The following PDE4D variants were observed in gnomAD, a reference collection of about 807,000 sequenced individuals.
The protein encoded by PDE4D is 3',5'-cyclic-AMP phosphodiesterase 4D.
A neutral mutation model predicts 87.4 loss-of-function variants in PDE4D; 24 were observed. The ratio of observed to expected loss-of-function variants is 0.27; its 90% CI spans 0.20 to 0.39. The LOEUF (loss-of-function observed/expected upper bound fraction) is 0.39. Ranked by LOEUF, PDE4D falls within the 10% of genes least tolerant of loss-of-function variation. PDE4D has a pLI of 1.00. For synonymous variants in PDE4D, 384 were observed against 383.2 expected, an observed-to-expected ratio of 1.00 and a Z score of -0.02; for missense variants, 714 against 1,041.0, an observed-to-expected ratio of 0.69 and a Z score of 4.32.
Position 59,439,284 on chromosome 5 carries a change from T to C in PDE4D, c.456-223316A>G, listed in dbSNP as rs7735819. Among the ~76,000 whole-genome samples the C allele has an allele frequency of 7.4e-3, 1,085 of 146,942 alleles. 15 individuals are homozygous for C. The highest frequency in any genetic ancestry group is 0.025 in the African/African-American group (991 of 39,068). On this transcript the variant is annotated intron_variant, in intron 1 of 14. Coordinates refer to ENST00000340635, the MANE Select transcript of PDE4D (RefSeq NM_001104631.2). ...TGAGGCAGGAGAATTGCTTGAACCC[T>C]GGGAGCCAGAGGTTGCAGTGAGTGA...
intron 1 of PDE4D, among the ~76,000 whole-genome samples, chr5:60,395,123 A>T (rs1762800410): frequency 6.6e-6 from 1 of 152,114 alleles, no homozygotes; most frequent in Admixed American, 6.5e-5. Flanking sequence ...GATTCTCTTA[A>T]ACCAAATCCA....
At position 59,016,125 on chromosome 5, in the gene PDE4D, T is replaced by C. The variant is rs558415164; in HGVS notation, c.922-22660A>G. ...GGGGAACATCACACACTGGGGCCTG[T>C]TGTGGGGTGAGGGGAGTGGGAGGGA... is the stretch of plus-strand genomic sequence containing the variant. On this transcript the variant is annotated intron_variant, in intron 6 of 14. Coordinates refer to ENST00000340635, the MANE Select transcript of PDE4D (RefSeq NM_001104631.2). Among the ~76,000 whole-genome samples the C allele has an allele frequency of 2.6e-5, 4 of 152,158 alleles. No individual in the cohort carries two copies. The South Asian group carries it at 8.3e-4, about 32-fold the overall frequency.
rs35584107 is a variant in PDE4D, at chr5:60,081,324, C to CAA, written c.43-92609_43-92608dup. Among the ~76,000 whole-genome samples the CAA allele has an allele frequency of 7.8e-3, 1,095 of 140,760 alleles. 19 individuals are homozygous for CAA. Among genetic ancestry groups the CAA allele is most frequent in the East Asian group, 0.054 (268 of 4,964 alleles). 92.3% of individuals were successfully genotyped at this position (140,760 alleles called of 152,430 possible). On this transcript the variant is annotated intron_variant, in intron 2 of 16. Transcript: ENST00000502484. ...GGTCTATCTATTTTGTTAGTTTTTTCAAAAAAAAAAAACAGCTCCTGGATT... is the reference window on the plus strand; with the variant it reads ...GGTCTATCTATTTTGTTAGTTTTTTCAAAAAAAAAAAAAACAGCTCCTGGATT...
chr5:60,174,880 T>G (rs1470455457), intron 2 of PDE4D, among the ~76,000 whole-genome samples: 1 of 152,104 alleles, frequency 6.6e-6, no homozygotes, highest in Non-Finnish European at 1.5e-5. Flanking sequence ...CAATATAACA[T>G]GACTCTGCAC....
chr5:59,381,041 A>C (rs564158959), intron 1 of PDE4D, among the ~76,000 whole-genome samples: 25 of 152,236 alleles, frequency 1.6e-4, no homozygotes, highest in Non-Finnish European at 3.2e-4. Context: ...TCACAGAAAA[A>C]GTTTGCTGAC....
intron 2 of PDE4D, among the ~76,000 whole-genome samples, chr5:60,068,509 A>T (rs1772354260): frequency 6.6e-6 from 1 of 151,960 alleles, no homozygotes; most frequent in Non-Finnish European, 1.5e-5. Flanking sequence ...CTAACCCTTT[A>T]TCAGATATAC....
chr5:60,334,762 C>A (rs1757598993), intron 1 of PDE4D, among the ~76,000 whole-genome samples: 1 of 151,746 alleles, frequency 6.6e-6, no homozygotes, highest in South Asian at 2.1e-4. Context: ...GTGTTTTACC[C>A]TCCCAGTTGT....
intron 1 of PDE4D, among the ~76,000 whole-genome samples, chr5:59,245,647 T>C (rs1261474107): frequency 6.6e-6 from 1 of 152,126 alleles, no homozygotes; most frequent in Non-Finnish European, 1.5e-5. Flanking sequence ...TATAATTGAG[T>C]GTATGTATGT....
At chr5:60,226,440 C>T (rs76466053) in intron 1 of PDE4D, among the ~76,000 whole-genome samples, 1 of 151,964 alleles carries the variant, frequency 6.6e-6, no homozygotes. Flanking sequence ...AAGAAAAAAC[C>T]CAGTTGGAAT....
chr5:59,339,661 G>A (rs544882243), intron 1 of PDE4D, among the ~76,000 whole-genome samples: 1 of 152,128 alleles, frequency 6.6e-6, no homozygotes, highest in African/African-American at 2.4e-5. Flanking sequence ...CACACGTTCG[G>A]TCATGTGGGC....
intron 1 of PDE4D, among the ~76,000 whole-genome samples, chr5:59,392,636 AC>A (rs1438998201): frequency 6.6e-6 from 1 of 151,822 alleles, no homozygotes; most frequent in Non-Finnish European, 1.5e-5. Context: ...AAGCCTGCCA[AC>A]CCTGGCCTAT....
chr5:59,328,287 G>C (rs1776079103), intron 1 of PDE4D, among the ~76,000 whole-genome samples: 2 of 152,114 alleles, frequency 1.3e-5, no homozygotes, highest in Admixed American at 1.3e-4. Context: ...CTGTAAAAAG[G>C]GGGTAATAAT....
intron 1 of PDE4D, among the ~76,000 whole-genome samples, chr5:60,323,025 T>C (rs549095195): frequency 5.3e-5 from 8 of 152,334 alleles, no homozygotes. Flanking sequence ...TATTCTTCCA[T>C]CTCCTCTGTA....
chr5:59,291,294 A>T (rs1767962953), intron 1 of PDE4D, among the ~76,000 whole-genome samples: 1 of 152,134 alleles, frequency 6.6e-6, no homozygotes, highest in Non-Finnish European at 1.5e-5. Context: ...TACGGATGGA[A>T]GTGGAGATAA....
intron 1 of PDE4D, among the ~76,000 whole-genome samples, chr5:59,797,435 T>A (rs1010116385): frequency 1.3e-5 from 2 of 152,170 alleles, no homozygotes; most frequent in Non-Finnish European, 2.9e-5. Flanking sequence ...TTCTGTAGAG[T>A]TATTTTGTTC....
intron 5 of PDE4D, among the ~76,000 whole-genome samples, chr5:59,123,154 T>C (rs9968728): frequency 0.21 from 32,499 of 152,064 alleles, 4,584 homozygotes; most frequent in African/African-American, 0.4. Flanking sequence ...ATCATATTTA[T>C]ACCGAATTTC....
chr5:60,334,483 G>A (rs994392525), intron 1 of PDE4D, among the ~76,000 whole-genome samples: 9 of 151,970 alleles, frequency 5.9e-5, no homozygotes, highest in African/African-American at 2.2e-4. Context: ...GTAGCCACAG[G>A]GTAATGTCTC....
chr5:59,425,300 A>C (rs1413515744), intron 1 of PDE4D, among the ~76,000 whole-genome samples: 2 of 152,186 alleles, frequency 1.3e-5, no homozygotes, highest in African/African-American at 4.8e-5. Context: ...AAAGCTCTGA[A>C]GTTCTCCCTG....
At chr5:59,969,406 G>T (rs994716402) in intron 3 of PDE4D, among the ~76,000 whole-genome samples, 4 of 152,154 alleles carry the variant, frequency 2.6e-5, no homozygotes, top group Non-Finnish European at 5.9e-5. Flanking sequence ...GAATATAATT[G>T]AATAGAATAT....
Sources: allele counts gnomAD v4.1 joint callset (sites outside exome capture counted in the v4.1 genomes callset), GRCh38; gene constraint gnomAD v4.1.1; transcripts MANE v1.5; gene names NCBI Gene and HGNC (gene_info 2026-07-23, HGNC 2026-07-21).